The following ASTN2 variants were observed in gnomAD, a reference collection of about 807,000 sequenced individuals.
ASTN2 encodes the protein astrotactin 2.
In ASTN2, 54 loss-of-function variants were observed where a neutral mutation model predicts 139.8. That is an observed-to-expected ratio of 0.39 (90% CI 0.31 to 0.48). The LOEUF is 0.48. Ranked by LOEUF, ASTN2 falls within the 20% of genes least tolerant of loss-of-function variation. The probability of loss-of-function intolerance (pLI) is 0.95; values close to 1 mark genes in which losing one functional copy is unlikely to be tolerated. For missense variants in ASTN2, 1,565 were observed against 1,725.1 expected (o/e 0.91, Z 1.64); for synonymous variants, 756 against 719.5 (o/e 1.05, Z -0.81).
chr9:116,868,969 G>A (rs1833085292), intron 10 of ASTN2, among the ~76,000 whole-genome samples: 1 of 152,148 alleles, frequency 6.6e-6, no homozygotes, highest in African/African-American at 2.4e-5. Context: ...TGGATCACCT[G>A]AGGTCAGGAG....
At chr9:116,444,401 G>T (rs141014925) in intron 20 of ASTN2, among the ~76,000 whole-genome samples, 2 of 152,156 alleles carry the variant, frequency 1.3e-5, no homozygotes, top group Non-Finnish European at 2.9e-5. Context: ...CCTTTCAGAA[G>T]ATAAAACTGA....
intron 13 of ASTN2, among the ~76,000 whole-genome samples, chr9:116,803,512 ATATATATATATTTTTT>A (rs1830941655): frequency 1.3e-4 from 1 of 7,534 alleles, no homozygotes; most frequent in African/African-American, 7.9e-4. Context: ...ATATATATAT[ATATATATATATTTTTT>A]TTTTTTTTTT....
intron 10 of ASTN2, among the ~76,000 whole-genome samples, chr9:116,940,355 C>T (rs1165521564): frequency 6.6e-6 from 1 of 152,092 alleles, no homozygotes; most frequent in Non-Finnish European, 1.5e-5. Context: ...GACAATACCT[C>T]CAGGAGGTAT....
intron 10 of ASTN2, among the ~76,000 whole-genome samples, chr9:116,864,181 A>G (rs933710340): frequency 6.6e-6 from 1 of 152,184 alleles, no homozygotes; most frequent in Non-Finnish European, 1.5e-5. Context: ...AGAGCTCCCT[A>G]TAGCAACTCT....
chr9:117,236,618 A>G (rs1833052427), intron 2 of ASTN2, among the ~76,000 whole-genome samples: 1 of 152,148 alleles, frequency 6.6e-6, no homozygotes, highest in Admixed American at 6.5e-5. Flanking sequence ...TCAGTCTCAT[A>G]CTAATTGCTC....
At position 116,992,077 on chromosome 9, in the gene ASTN2, A is replaced by G. The variant is rs145510410; in HGVS notation, c.1592-15292T>C. The stretch of plus-strand genomic sequence containing the variant: ...CAGCACCACCTTCACATGTGGCAAG[A>G]GGCCATGCAAAATGTAATGGCTCAA... On this transcript the variant is annotated intron_variant, in intron 7 of 22. Coordinates refer to ENST00000313400, the MANE Select transcript of ASTN2 (RefSeq NM_001365068.1). Among the ~76,000 whole-genome samples the G allele has an allele frequency of 4.5e-4, 68 of 152,352 alleles. 1 individual carries two copies. Among genetic ancestry groups the G allele is most frequent in the East Asian group, 4.2e-3 (22 of 5,182 alleles).
chr9:117,137,650 A>G (rs1588004722), intron 4 of ASTN2, among the ~76,000 whole-genome samples: 2 of 152,194 alleles, frequency 1.3e-5, no homozygotes, highest in East Asian at 3.8e-4. Flanking sequence ...AGAGTTTTTA[A>G]TAGACTAAGA....
intron 19 of ASTN2, among the ~76,000 whole-genome samples, chr9:116,527,526 T>C (rs1170455783): frequency 2.0e-5 from 3 of 152,044 alleles, no homozygotes; most frequent in Non-Finnish European, 4.4e-5. Context: ...GAAAAGTAAA[T>C]GTTGGCAAAG....
chr9:116,959,142 T>G (rs1835807655), intron 10 of ASTN2, among the ~76,000 whole-genome samples: 1 of 152,006 alleles, frequency 6.6e-6, no homozygotes, highest in Non-Finnish European at 1.5e-5. Flanking sequence ...CACTGGGAGA[T>G]GGCAGAACAT....
At chr9:117,379,146 A>G (rs546824241) in intron 1 of ASTN2, among the ~76,000 whole-genome samples, 76 of 152,252 alleles carry the variant, frequency 5.0e-4, no homozygotes, top group Non-Finnish European at 9.6e-4. Context: ...TAAATTACCC[A>G]GCCTTTGGGG....
chr9:117,114,052 A>G, intron 4 of ASTN2, among the ~76,000 whole-genome samples: 1 of 152,204 alleles, frequency 6.6e-6, no homozygotes, highest in East Asian at 1.9e-4. Context: ...TAAAGCTTGA[A>G]AAAAATAGGG....
chr9:116,897,716 T>TA (rs567239848), intron 10 of ASTN2, among the ~76,000 whole-genome samples: 31 of 144,564 alleles, frequency 2.1e-4, no homozygotes, highest in South Asian at 4.3e-4. Context: ...TTGCTGAGAG[T>TA]AAAAAAAAAA....
At chr9:117,078,218 C>G (rs1042140594) in intron 5 of ASTN2, among the ~76,000 whole-genome samples, 1 of 152,134 alleles carries the variant, frequency 6.6e-6, no homozygotes, top group Non-Finnish European at 1.5e-5. Flanking sequence ...ACACAACATT[C>G]CACTTTATAT....
intron 1 of ASTN2, among the ~76,000 whole-genome samples, chr9:117,403,328 G>A (rs1830890602): frequency 6.6e-6 from 1 of 152,228 alleles, no homozygotes; most frequent in Admixed American, 6.5e-5. Flanking sequence ...TCAGAGGAAA[G>A]GAAGCATTGA....
intron 3 of ASTN2, among the ~76,000 whole-genome samples, chr9:117,170,804 CAG>C (rs1427551331): frequency 3.9e-5 from 6 of 152,066 alleles, no homozygotes; most frequent in African/African-American, 1.4e-4. Context: ...AGGCAGGGAG[CAG>C]AGTGATTTGA....
chr9:117,060,130 G>A (rs141773880), intron 5 of ASTN2, among the ~76,000 whole-genome samples: 1 of 151,732 alleles, frequency 6.6e-6, no homozygotes, highest in African/African-American at 2.4e-5. Flanking sequence ...GGCTAACATG[G>A]TGAAACCCCA....
chr9:117,026,914 G>C (rs1189827135), intron 6 of ASTN2, among the ~76,000 whole-genome samples: 2 of 152,158 alleles, frequency 1.3e-5, no homozygotes, highest in Non-Finnish European at 2.9e-5. Context: ...CACAAACGAG[G>C]CTTAGAGAGG....
At chr9:117,272,600 AG>A (rs1834093183) in intron 2 of ASTN2, among the ~76,000 whole-genome samples, 2 of 152,232 alleles carry the variant, frequency 1.3e-5, no homozygotes, top group Admixed American at 1.3e-4. Flanking sequence ...TGCTTTTAAC[AG>A]CACCCAAGTC....
At chr9:116,770,960 C>T (rs946002943) in intron 13 of ASTN2, among the ~76,000 whole-genome samples, 1 of 152,116 alleles carries the variant, frequency 6.6e-6, no homozygotes, top group African/African-American at 2.4e-5. Context: ...CTCTCTGGCT[C>T]CCCTTGCAAA....
Sources: allele counts gnomAD v4.1 joint callset (sites outside exome capture counted in the v4.1 genomes callset), GRCh38; gene constraint gnomAD v4.1.1; transcripts MANE v1.5; gene names NCBI Gene and HGNC (gene_info 2026-07-23, HGNC 2026-07-21).